DGKG: variants seen among roughly 807,000 people sequenced by gnomAD.
DGKG encodes the protein DAG kinase gamma.
Under a neutral mutation model 105.3 loss-of-function variants are expected in DGKG, and 78 were observed. The ratio of observed to expected loss-of-function variants is 0.74; its 90% CI spans 0.62 to 0.89. The LOEUF (loss-of-function observed/expected upper bound fraction) is 0.89, where lower values mean the gene tolerates loss of function less well. Among genes scored for constraint, DGKG ranks in the 40% least tolerant of loss-of-function variants. DGKG has a pLI of 0.00. For synonymous variants in DGKG, 346 were observed against 367.1 expected (o/e 0.94, Z 0.66); for missense variants, 958 against 1,020.1 (o/e 0.94, Z 0.83).
In DGKG at chr3:186,260,519, GAAAA is replaced by G; in HGVS notation, c.1350-10_1350-7del. The G allele has an allele frequency of 6.4e-7, 1 of 1,574,234 alleles. No homozygotes were observed. The highest frequency in any genetic ancestry group is 8.7e-7 in the Non-Finnish European group (1 of 1,151,210). On this transcript the variant is annotated splice_region_variant and splice_polypyrimidine_tract_variant and intron_variant, in intron 15 of 24. Coordinates refer to ENST00000265022, the MANE Select transcript of DGKG (RefSeq NM_001346.3). ...AGTGGAATTTCCGAAGAATTCTATG[GAAAA>G]AAAAAGAAAAGGAGGGAGAGAGAGA...
At chr3:186,172,926 G>A (rs998461940) in intron 22 of DGKG, among the ~76,000 whole-genome samples, 2 of 152,234 alleles carry the variant, frequency 1.3e-5, no homozygotes, top group African/African-American at 4.8e-5. Context: ...CAACAGAAAT[G>A]TATTTTCTCA....
At chr3:186,318,095 T>C (rs1349237334) in intron 2 of DGKG, among the ~76,000 whole-genome samples, 1 of 152,192 alleles carries the variant, frequency 6.6e-6, no homozygotes, top group Non-Finnish European at 1.5e-5. Context: ...TCAGACTAGG[T>C]TTCCTCCAAA....
chr3:186,193,446 T>C (rs774603387), intron 21 of DGKG, among the ~76,000 whole-genome samples: 1 of 152,254 alleles, frequency 6.6e-6, no homozygotes, highest in Non-Finnish European at 1.5e-5. Context: ...CCCCAACCTC[T>C]GTGCCATGAG....
chr3:186,351,923 T>C (rs909703918), intron 1 of DGKG, among the ~76,000 whole-genome samples: 4 of 152,184 alleles, frequency 2.6e-5, no homozygotes, highest in Admixed American at 6.5e-5. Flanking sequence ...AATCGCTGAA[T>C]GTTTTGTTTA....
chr3:186,184,529 A>G (rs1717526020), intron 22 of DGKG, among the ~76,000 whole-genome samples: 1 of 151,610 alleles, frequency 6.6e-6, no homozygotes, highest in East Asian at 1.9e-4. Flanking sequence ...CCTCCCTTGT[A>G]GCTGGGATTA....
intron 1 of DGKG, among the ~76,000 whole-genome samples, chr3:186,346,344 C>A (rs1043460332): frequency 1.3e-5 from 2 of 152,158 alleles, no homozygotes; most frequent in Non-Finnish European, 2.9e-5. Flanking sequence ...TTTGTAAAGA[C>A]CATGCCCTCT....
At chr3:186,305,092 T>C (rs1235028643) in intron 3 of DGKG, among the ~76,000 whole-genome samples, 1 of 152,218 alleles carries the variant, frequency 6.6e-6, no homozygotes, top group Non-Finnish European at 1.5e-5. Flanking sequence ...TTCCAGGCAC[T>C]GAAGACACAG....
At chr3:186,181,405 A>T (rs2108494767) in intron 22 of DGKG, among the ~76,000 whole-genome samples, 1 of 152,290 alleles carries the variant, frequency 6.6e-6, no homozygotes, top group Non-Finnish European at 1.5e-5. Flanking sequence ...TTATCTAGTG[A>T]GATCCTGGGG....
intron 20 of DGKG, among the ~76,000 whole-genome samples, chr3:186,219,570 G>A (rs1249639958): frequency 6.6e-6 from 1 of 152,224 alleles, no homozygotes; most frequent in South Asian, 2.1e-4. Flanking sequence ...ATGTGTTTCA[G>A]CTTCAAGGCG....
intron 21 of DGKG, among the ~76,000 whole-genome samples, chr3:186,190,590 G>C (rs999222785): frequency 3.3e-5 from 5 of 152,152 alleles, no homozygotes; most frequent in Non-Finnish European, 7.3e-5. Context: ...GCTTAAATGG[G>C]TGGTCATCTT....
chr3:186,193,516 GC>G (rs1252102348), intron 21 of DGKG, among the ~76,000 whole-genome samples: 3 of 152,220 alleles, frequency 2.0e-5, no homozygotes, highest in Non-Finnish European at 2.9e-5. Flanking sequence ...CATCTTAACG[GC>G]CTCTTGGCCC....
intron 17 of DGKG, among the ~76,000 whole-genome samples, chr3:186,256,682 C>T (rs907065342): frequency 6.6e-6 from 1 of 152,256 alleles, no homozygotes; most frequent in Non-Finnish European, 1.5e-5. Flanking sequence ...GCTTCATCCG[C>T]TGTAGCTTTT....
chr3:186,197,561 C>T (rs1389538141), intron 21 of DGKG, among the ~76,000 whole-genome samples: 4 of 152,284 alleles, frequency 2.6e-5, no homozygotes, highest in South Asian at 2.1e-4. Context: ...TCATTTACAG[C>T]GAGAGCATTT....
chr3:186,259,876 G>A (rs1721676583), intron 16 of DGKG, among the ~76,000 whole-genome samples: 1 of 152,182 alleles, frequency 6.6e-6, no homozygotes, highest in African/African-American at 2.4e-5. Context: ...ATGCTAACGA[G>A]AAGAGAATAG....
chr3:186,238,197 T>G (rs1720506183), intron 20 of DGKG, among the ~76,000 whole-genome samples: 1 of 148,508 alleles, frequency 6.7e-6, no homozygotes, highest in Non-Finnish European at 1.5e-5. Context: ...CTCAGGAGGC[T>G]GTGTAGGAAA....
rs985617987 is a variant in DGKG at position 186,160,088 on chromosome 3, G to A, written c.2277+1515C>T. The A allele has an allele frequency of 1.5e-4, 85 of 582,216 alleles. No homozygotes were observed. The African/African-American group carries it at 1.7e-3, about 12-fold the overall frequency. The allele number at this position is 582,216 out of a possible 1,614,324, so 36.1% of individuals were successfully genotyped here. On this transcript the variant is annotated intron_variant, in intron 24 of 24. Coordinates refer to ENST00000265022, the MANE Select transcript of DGKG (RefSeq NM_001346.3). ...CTGTCAGTCTGTGGTATTCTATTAT[G>A]GCACTCAAAGCAGACGAATATACCT...
At chr3:186,299,837 C>CTTTCTT (rs1560142091) in intron 3 of DGKG, among the ~76,000 whole-genome samples, 2 of 89,996 alleles carry the variant, frequency 2.2e-5, no homozygotes, top group Admixed American at 1.2e-4. Context: ...TTCTTTCTTT[C>CTTTCTT]TTTTTTTTTT....
intron 21 of DGKG, among the ~76,000 whole-genome samples, chr3:186,191,393 T>C: frequency 6.6e-6 from 1 of 152,226 alleles, no homozygotes; most frequent in Non-Finnish European, 1.5e-5. Flanking sequence ...GGAGCCATAT[T>C]TGTCTGCCTC....
intron 1 of DGKG, among the ~76,000 whole-genome samples, chr3:186,321,625 T>C (rs970251896): frequency 6.6e-6 from 1 of 152,240 alleles, no homozygotes; most frequent in Non-Finnish European, 1.5e-5. Flanking sequence ...GGATCCATCC[T>C]GAGGGCCAAC....
Sources: allele counts gnomAD v4.1 joint callset (sites outside exome capture counted in the v4.1 genomes callset), GRCh38; gene constraint gnomAD v4.1.1; transcripts MANE v1.5; gene names NCBI Gene and HGNC (gene_info 2026-07-23, HGNC 2026-07-21).